ADAM12: variants seen among roughly 807,000 people sequenced by gnomAD.
The protein encoded by ADAM12 is disintegrin and metalloproteinase domain-containing protein 12.
Under a neutral mutation model 106.4 loss-of-function variants are expected in ADAM12, and 70 were observed. That is an observed-to-expected ratio of 0.66 (90% CI 0.54 to 0.80). The LOEUF (loss-of-function observed/expected upper bound fraction) is 0.80, where lower values mean the gene tolerates loss of function less well. Among genes scored for constraint, ADAM12 ranks in the 30% least tolerant of loss-of-function variants. ADAM12 has a pLI of 0.00. For missense variants in ADAM12, 1,010 were observed against 1,171.9 expected, an observed-to-expected ratio of 0.86 and a Z score of 2.02; for synonymous variants, 420 against 433.5, an observed-to-expected ratio of 0.97 and a Z score of 0.39.
intron 14 of ADAM12, among the ~76,000 whole-genome samples, chr10:126,051,580 T>G (rs370615458): frequency 0.19 from 18,798 of 99,160 alleles, 1,730 homozygotes; most frequent in East Asian, 0.42. Context: ...CATCCATCCA[T>G]CCATCCATCC....
chr10:126,306,991 T>C (rs1376113468), intron 2 of ADAM12, among the ~76,000 whole-genome samples: 1 of 152,194 alleles, frequency 6.6e-6, no homozygotes, highest in African/African-American at 2.4e-5. Context: ...AGGATTCCAG[T>C]TATATGTAGT....
At chr10:126,027,415 TAA>T (rs35918077) in intron 21 of ADAM12, among the ~76,000 whole-genome samples, 1 of 150,322 alleles carries the variant, frequency 6.7e-6, no homozygotes, top group Admixed American at 6.6e-5. Flanking sequence ...CTGGGAGAGA[TAA>T]AAAAAAACCT....
intron 1 of ADAM12, among the ~76,000 whole-genome samples, chr10:126,358,533 A>G (rs781169075): frequency 6.6e-6 from 1 of 152,216 alleles, no homozygotes; most frequent in Non-Finnish European, 1.5e-5. Flanking sequence ...CACAGCTAAC[A>G]TCATACTCAA....
At chr10:126,143,852 G>C (rs1415437243) in intron 4 of ADAM12, among the ~76,000 whole-genome samples, 1 of 152,110 alleles carries the variant, frequency 6.6e-6, no homozygotes, top group African/African-American at 2.4e-5. Context: ...TCCCTTGCAC[G>C]CAAGCCCCAA....
At chr10:126,288,983 G>A (rs570329917) in intron 2 of ADAM12, among the ~76,000 whole-genome samples, 1 of 150,908 alleles carries the variant, frequency 6.6e-6, no homozygotes, top group East Asian at 2.0e-4. Context: ...TCACATGATG[G>A]CTTGGGGACA....
At chr10:126,033,678 G>C (rs1471587018) in intron 21 of ADAM12, among the ~76,000 whole-genome samples, 2 of 150,620 alleles carry the variant, frequency 1.3e-5, no homozygotes, top group Non-Finnish European at 3.0e-5. Context: ...AGGCATCATA[G>C]CCTAGAGACT....
chr10:126,353,029 AG>A (rs1162526972), intron 1 of ADAM12, among the ~76,000 whole-genome samples: 1 of 152,230 alleles, frequency 6.6e-6, no homozygotes, highest in Non-Finnish European at 1.5e-5. Context: ...TGATCAAAGC[AG>A]GCTTCTCTCC....
chr10:126,043,111 T>C lies in ADAM12; in HGVS notation c.2033A>G (p.His678Arg), dbSNP rs1296194891. 15 of 1,614,054 alleles carry C rather than the reference T, an allele frequency of 9.3e-6. No individual in the cohort carries two copies. The Middle Eastern group carries it at 4.9e-4, about 53-fold the overall frequency. ...NNRKNCHCEA[H>R]WAPPFCDKFG... ...CTTGTCACAGAAGGGAGGTGCCCAG[T>C]GGGCCTCGCAGTGGCAGTTCTTCCT... The change falls in exon 18 of 23, where the codon CAC becomes CGC. Residue 678 changes from histidine to arginine, a missense_variant. Transcript: ENST00000448723. This position sits in a 1 kb window ranked among gnomAD's most constrained non-coding sequence, Gnocchi z 4.1.
rs1334861259 is a variant in ADAM12 at position 126,311,010 on chromosome 10, C to G, written c.186+19402G>C. Among the ~76,000 whole-genome samples, 3 of 151,808 alleles carry G rather than the reference C, an allele frequency of 2.0e-5. No homozygotes were observed. The South Asian group carries it at 6.2e-4, about 32-fold the overall frequency. On this transcript the variant is annotated intron_variant, in intron 2 of 22. Coordinates refer to ENST00000448723, the MANE Select transcript of ADAM12 (RefSeq NM_001288973.2). ...CGTTGCAGGGAAAATCTCTAGGATG[C>G]CTCCTCTGAGCTGAGCTAATACTAA...
chr10:126,273,578 T>G (rs1305547573), intron 3 of ADAM12, among the ~76,000 whole-genome samples: 1 of 152,130 alleles, frequency 6.6e-6, no homozygotes, highest in Non-Finnish European at 1.5e-5. Context: ...ATGTCAAGAT[T>G]GTAAAGGTAA....
intron 5 of ADAM12, among the ~76,000 whole-genome samples, chr10:126,130,431 G>A (rs1331263745): frequency 2.6e-5 from 4 of 152,006 alleles, no homozygotes; most frequent in African/African-American, 7.3e-5. Flanking sequence ...CCCACACAGC[G>A]TTCCTCATCA....
At chr10:126,336,747 A>G (rs1854713200) in intron 1 of ADAM12, among the ~76,000 whole-genome samples, 1 of 152,222 alleles carries the variant, frequency 6.6e-6, no homozygotes, top group African/African-American at 2.4e-5. Flanking sequence ...TGACAAAACC[A>G]CGTCAATACA....
At chr10:126,271,690 A>G (rs1959177266) in intron 3 of ADAM12, among the ~76,000 whole-genome samples, 1 of 152,234 alleles carries the variant, frequency 6.6e-6, no homozygotes, top group African/African-American at 2.4e-5. Context: ...ACCTGAGCCC[A>G]GAGCAGTCAA....
intron 3 of ADAM12, among the ~76,000 whole-genome samples, chr10:126,221,389 CAA>C (rs35766891): frequency 0.52 from 51,591 of 99,744 alleles, 10,740 homozygotes; most frequent in South Asian, 0.74. Context: ...GACTCTGTCT[CAA>C]AAAAAAAAAA....
rs1360016533 is a variant in ADAM12 at position 126,066,718 on chromosome 10, T to G, written c.1412A>C (p.Gln471Pro). ...CAAGTTGTAGCTCCGGTGACTCACC[T>G]GGCAGTCTTCACAGCACAGCCCATG... ...CAHGLCCEDC[Q>P]LKPAGTACRD... is the part of the protein sequence containing the mutation. The change falls in exon 13 of 23, where the codon CAG (glutamine) becomes CCG (proline). Residue 471 changes from glutamine (Q) to proline (P), a missense_variant and splice_region_variant. By Grantham distance (76) the Gln-to-Pro change is moderately conservative. This residue lies in a region of ADAM12 where 615 missense variants were observed against 708.5 expected (regional missense o/e 0.87). Transcript: ENST00000448723. This position sits in a 1 kb window ranked among gnomAD's most constrained non-coding sequence, Gnocchi z 5.1. 1 of 1,614,136 alleles carries G rather than the reference T, an allele frequency of 6.2e-7. No homozygotes were observed. The highest frequency in any genetic ancestry group is 1.1e-5 in the South Asian group (1 of 91,082).
At chr10:126,294,454 T>C (rs1489393306) in intron 2 of ADAM12, among the ~76,000 whole-genome samples, 1 of 152,150 alleles carries the variant, frequency 6.6e-6, no homozygotes, top group Admixed American at 6.5e-5. Flanking sequence ...TGTCACAGCA[T>C]TTAAGGGGTC....
At chr10:126,208,651 A>C (rs1957841764) in intron 3 of ADAM12, among the ~76,000 whole-genome samples, 1 of 152,178 alleles carries the variant, frequency 6.6e-6, no homozygotes, top group Admixed American at 6.5e-5. Flanking sequence ...TAAAATCTAC[A>C]CTCCAAAATT....
At chr10:126,336,168 G>C (rs1424776532) in intron 1 of ADAM12, among the ~76,000 whole-genome samples, 1 of 152,144 alleles carries the variant, frequency 6.6e-6, no homozygotes, top group African/African-American at 2.4e-5. Flanking sequence ...ACAATACTAA[G>C]GTAAGATGTT....
chr10:126,236,289 T>C (rs1958414361), intron 3 of ADAM12, among the ~76,000 whole-genome samples: 2 of 152,094 alleles, frequency 1.3e-5, no homozygotes, highest in Non-Finnish European at 2.9e-5. Context: ...GGGCAGACCC[T>C]GCAACTCTCG....
Sources: gnomAD v4.1 joint callset for allele counts (sites outside exome capture counted in the v4.1 genomes callset) on GRCh38, gnomAD v4.1.1 for gene constraint, gnomAD v4.1.1 regional missense constraint, Gnocchi (gnomAD v3.1) non-coding constraint, MANE v1.5 for transcripts, NCBI Gene and HGNC (gene_info 2026-07-23, HGNC 2026-07-21) for gene names.